STK32C: variants seen among roughly 807,000 people sequenced by gnomAD.
STK32C encodes the protein serine/threonine kinase 32C.
A neutral mutation model predicts 56.5 loss-of-function variants in STK32C; 31 were observed. That is an observed-to-expected ratio of 0.55 (90% CI 0.41 to 0.74). The LOEUF (loss-of-function observed/expected upper bound fraction) is 0.74, where lower values mean the gene tolerates loss of function less well. STK32C is among the 30% of genes least tolerant of loss of function. The probability of loss-of-function intolerance (pLI) is 0.00; values close to 1 mark genes in which losing one functional copy is unlikely to be tolerated. For synonymous variants in STK32C, 309 were observed against 289.4 expected, an observed-to-expected ratio of 1.07 and a Z score of -0.69; for missense variants, 544 against 676.9, an observed-to-expected ratio of 0.80 and a Z score of 2.18.
At chr10:132,243,180 C>T (rs558274760) in intron 2 of STK32C, among the ~76,000 whole-genome samples, 2 of 152,350 alleles carry the variant, frequency 1.3e-5, no homozygotes, top group East Asian at 1.9e-4. Flanking sequence ...AATGGGGCTG[C>T]CCCCATCTGT....
chr10:132,220,000 T>C (rs896682720), intron 10 of STK32C, among the ~76,000 whole-genome samples: 1 of 151,860 alleles, frequency 6.6e-6, no homozygotes, highest in Non-Finnish European at 1.5e-5. Flanking sequence ...CACACAACCA[T>C]AGCTACTCCT....
At chr10:132,278,650 G>C (rs1014526321) in intron 1 of STK32C, among the ~76,000 whole-genome samples, 2 of 151,570 alleles carry the variant, frequency 1.3e-5, no homozygotes, top group African/African-American at 2.4e-5. Flanking sequence ...ACTCCCAGCT[G>C]CTCAGGAGGC....
At chr10:132,289,072 T>G (rs988205292) in intron 1 of STK32C, among the ~76,000 whole-genome samples, 1 of 152,226 alleles carries the variant, frequency 6.6e-6, no homozygotes, top group East Asian at 1.9e-4. Flanking sequence ...AAAGCTACAA[T>G]AATCAAGACA....
chr10:132,282,018 G>A (rs547983972), intron 1 of STK32C, among the ~76,000 whole-genome samples: 91 of 152,220 alleles, frequency 6.0e-4, no homozygotes, highest in Non-Finnish European at 1.1e-3. Context: ...AGAGGGAGGC[G>A]CCTCCCTGAT....
chr10:132,266,608 TGCCCAC>T (rs952268433), intron 1 of STK32C, among the ~76,000 whole-genome samples: 4 of 152,094 alleles, frequency 2.6e-5, no homozygotes, highest in African/African-American at 4.8e-5. Flanking sequence ...TTACATGGCC[TGCCCAC>T]GCCAAGGAGC....
intron 1 of STK32C, among the ~76,000 whole-genome samples, chr10:132,247,795 C>T (rs1413410964): frequency 6.6e-6 from 1 of 152,008 alleles, no homozygotes; most frequent in East Asian, 1.9e-4. Context: ...TTGATTTAAG[C>T]GCCTTAGAAA....
At chr10:132,272,660 C>T (rs879332575) in intron 1 of STK32C, among the ~76,000 whole-genome samples, 20 of 152,230 alleles carry the variant, frequency 1.3e-4, no homozygotes, top group Non-Finnish European at 2.2e-4. Flanking sequence ...CGTCCACTCC[C>T]GCCTGGATTC....
chr10:132,303,021 C>T (rs997523459), intron 1 of STK32C, among the ~76,000 whole-genome samples: 14 of 152,214 alleles, frequency 9.2e-5, no homozygotes, highest in Non-Finnish European at 4.4e-5. Context: ...GAAGTCTCAG[C>T]CACACACAAG....
intron 1 of STK32C, among the ~76,000 whole-genome samples, chr10:132,294,844 C>T (rs1049276643): frequency 7.2e-5 from 11 of 152,190 alleles, no homozygotes; most frequent in African/African-American, 1.2e-4. Flanking sequence ...GTCCTGACCA[C>T]GGAGACAGGC....
chr10:132,218,263 G>A (rs1296006166), intron 10 of STK32C, among the ~76,000 whole-genome samples: 1 of 152,054 alleles, frequency 6.6e-6, no homozygotes, highest in Non-Finnish European at 1.5e-5. Context: ...AGGCTGAAGT[G>A]AGCCTTCATT....
intron 1 of STK32C, among the ~76,000 whole-genome samples, chr10:132,291,720 G>C (rs2065570229): frequency 6.6e-6 from 1 of 152,146 alleles, no homozygotes; most frequent in Admixed American, 6.5e-5. Context: ...CAGGCCTCGA[G>C]AGAGAACCTT....
At chr10:132,311,605 C>G (rs1219942792), upstream of STK32C, among the ~76,000 whole-genome samples, 1 of 152,228 alleles carries the variant, frequency 6.6e-6, no homozygotes, top group Non-Finnish European at 1.5e-5. The surrounding 1 kb of genome is among the most constrained non-coding windows in gnomAD (Gnocchi z 4.4). Flanking sequence ...GCTGCAGCCA[C>G]TAGGAAGGAG....
At chr10:132,262,641 A>G (rs12265925) in intron 1 of STK32C, among the ~76,000 whole-genome samples, 55,542 of 151,424 alleles carry the variant, frequency 0.37, 10,608 homozygotes, top group African/African-American at 0.42. Context: ...AGCTGGGCAC[A>G]GTGGCTCACG....
chr10:132,297,443 C>T (rs1421813838), intron 1 of STK32C, among the ~76,000 whole-genome samples: 1 of 152,242 alleles, frequency 6.6e-6, no homozygotes, highest in Non-Finnish European at 1.5e-5. Flanking sequence ...ACGCCAGCCC[C>T]GGTACTAGCT....
In STK32C at chr10:132,267,413, G is replaced by A. The variant is rs560145808; in HGVS notation, c.263-21458C>T. On this transcript the variant is annotated intron_variant, in intron 1 of 11. Coordinates refer to ENST00000298630, the MANE Select transcript of STK32C (RefSeq NM_173575.4). ...TGTATGCATGTGCATGTATGTTTCT[G>A]GGGCTACAGTTCTGTGCATGTGTGT... 9.8e-4 allele frequency among the ~76,000 whole-genome samples: 150 copies of A among 152,362 alleles called. 2 individuals carry two copies. The highest frequency in any genetic ancestry group is 1.6e-3 in the Admixed American group (25 of 15,310).
chr10:132,271,268 T>C (rs2138157705), intron 1 of STK32C, among the ~76,000 whole-genome samples: 1 of 152,142 alleles, frequency 6.6e-6, no homozygotes, highest in East Asian at 1.9e-4. Flanking sequence ...CAGTGGCCCA[T>C]ACACCCCATC....
intron 1 of STK32C, among the ~76,000 whole-genome samples, chr10:132,281,208 C>CACACAG (rs2065194627): frequency 6.8e-6 from 1 of 146,596 alleles, no homozygotes; most frequent in Admixed American, 6.8e-5. Context: ...CACACACACA[C>CACACAG]ACACAGGTGC....
intron 1 of STK32C, among the ~76,000 whole-genome samples, chr10:132,286,716 TA>T (rs1171955865): frequency 7.9e-5 from 12 of 152,068 alleles, no homozygotes; most frequent in Non-Finnish European, 1.5e-4. Flanking sequence ...ATTAAAAATA[TA>T]AAAAACTCAG....
chr10:132,236,021 G>A (rs938533013), intron 2 of STK32C, among the ~76,000 whole-genome samples: 6 of 152,332 alleles, frequency 3.9e-5, no homozygotes, highest in South Asian at 2.1e-4. Flanking sequence ...TTGGTGTCGC[G>A]TCGGTCCCTG....
Sources: gnomAD v4.1 joint callset for allele counts (sites outside exome capture counted in the v4.1 genomes callset) on GRCh38, gnomAD v4.1.1 for gene constraint, Gnocchi (gnomAD v3.1) non-coding constraint, MANE v1.5 for transcripts, NCBI Gene and HGNC (gene_info 2026-07-23, HGNC 2026-07-21) for gene names.